Variants in MCCC1 observed in about 807,000 individuals in gnomAD.
MCCC1 encodes methylcrotonyl-CoA carboxylase subunit 1.
In MCCC1, 64 loss-of-function variants were observed where a neutral mutation model predicts 83.8. That is an observed-to-expected ratio of 0.76 (90% confidence interval 0.62 to 0.94). The LOEUF (loss-of-function observed/expected upper bound fraction) is 0.94. Among genes scored for constraint, MCCC1 ranks in the 40% least tolerant of loss-of-function variants. MCCC1 has a pLI of 0.00. For synonymous variants in MCCC1, 322 were observed against 315.4 expected, an observed-to-expected ratio of 1.02 and a Z score of -0.22; for missense variants, 807 against 904.7, an observed-to-expected ratio of 0.89 and a Z score of 1.39.
chr3:183,082,324 T>G (rs560103572), intron 4 of MCCC1, among the ~76,000 whole-genome samples: 1 of 152,176 alleles, frequency 6.6e-6, no homozygotes, highest in African/African-American at 2.4e-5. Flanking sequence ...AGTTCCTAAC[T>G]CTTGGTAGCA....
upstream of MCCC1, among the ~76,000 whole-genome samples, chr3:183,101,316 A>G (rs571941081): frequency 6.6e-6 from 1 of 152,366 alleles, no homozygotes; most frequent in Admixed American, 6.5e-5. Flanking sequence ...AGGCAGCTCC[A>G]CCTGCAGCCC....
At chr3:183,024,981 T>C (rs1392109691) in intron 15 of MCCC1, among the ~76,000 whole-genome samples, 1 of 147,330 alleles carries the variant, frequency 6.8e-6, no homozygotes. Context: ...AAAAAGGAAA[T>C]TCTCACATAT....
At chr3:183,044,906 T>TTTGTTG (rs59572956) in intron 10 of MCCC1, among the ~76,000 whole-genome samples, 138,376 of 150,706 alleles carry the variant, frequency 0.92, 63,575 homozygotes, top group East Asian at 1. Context: ...TCAAGACTGT[T>TTTGTTG]TTGTTGTTGT....
chr3:183,051,169 A>C (rs1714946985), intron 9 of MCCC1, among the ~76,000 whole-genome samples: 1 of 152,208 alleles, frequency 6.6e-6, no homozygotes, highest in South Asian at 2.1e-4. Context: ...GCTCCTTAGT[A>C]TTCACCCAAA....
At chr3:183,057,620 C>T (rs1349387325) in intron 7 of MCCC1, among the ~76,000 whole-genome samples, 198 bp from the exon 8 acceptor site, 3 of 152,150 alleles carry the variant, frequency 2.0e-5, no homozygotes, top group Admixed American at 6.6e-5. Context: ...GGCTCATGCC[C>T]GTAATCCCAG....
chr3:183,112,716 A>G (rs1719520884), intron 1 of MCCC1, among the ~76,000 whole-genome samples: 2 of 152,110 alleles, frequency 1.3e-5, no homozygotes, highest in Non-Finnish European at 2.9e-5. Flanking sequence ...CATGTATACC[A>G]GCATGCAAAC....
In MCCC1 at chr3:183,099,258, G is replaced by A. The variant is rs1228058529; in HGVS notation, c.89+94C>T. The A allele has an allele frequency of 3.5e-6, 5 of 1,437,932 alleles. No homozygotes were observed. The East Asian group carries it at 7.4e-5, about 21-fold the overall frequency. The allele number at this position is 1,437,932 out of a possible 1,614,324, so 89.1% of individuals were successfully genotyped here. ...GTTTTCCTACCGTCCTCCCCACACCGACCCTGGGTTCCGCCGCACCTCCCA... is the reference window on the plus strand; with the variant it reads ...GTTTTCCTACCGTCCTCCCCACACCAACCCTGGGTTCCGCCGCACCTCCCA... On this transcript the variant is annotated intron_variant, in intron 1 of 18. Coordinates refer to ENST00000265594, the MANE Select transcript of MCCC1 (RefSeq NM_020166.5).
At chr3:183,052,467 T>C (rs558954789) in intron 8 of MCCC1, among the ~76,000 whole-genome samples, 1 of 152,258 alleles carries the variant, frequency 6.6e-6, no homozygotes, top group South Asian at 2.1e-4. Flanking sequence ...ATGTGTTTTG[T>C]GGTGAGGCTG....
At chr3:183,088,566 T>A (rs1397236092) in intron 3 of MCCC1, among the ~76,000 whole-genome samples, 1 of 152,228 alleles carries the variant, frequency 6.6e-6, no homozygotes, top group Non-Finnish European at 1.5e-5. Context: ...GAAAGTGAAT[T>A]ATAATACAAA....
chr3:183,100,664 T>TA (rs1438939788), upstream of MCCC1, among the ~76,000 whole-genome samples: 1 of 152,192 alleles, frequency 6.6e-6, no homozygotes, highest in African/African-American at 2.4e-5. Flanking sequence ...AAATTCTAAA[T>TA]AAAATATTAA....
intron 16 of MCCC1, among the ~76,000 whole-genome samples, chr3:183,020,572 A>C (rs556941036): frequency 8.5e-5 from 13 of 152,174 alleles, no homozygotes; most frequent in Non-Finnish European, 1.5e-5. Context: ...TAGAGGCTGC[A>C]GTGAGCTAAG....
At chr3:183,091,028 C>G (rs894331215) in intron 3 of MCCC1, 4 of 456,398 alleles carry the variant, frequency 8.8e-6, no homozygotes, top group Non-Finnish European at 1.8e-5. Context: ...TCAAGATCAT[C>G]CTGCTGCAAA....
chr3:183,036,668 T>C (rs777243726), intron 13 of MCCC1, among the ~76,000 whole-genome samples: 43 of 151,692 alleles, frequency 2.8e-4, no homozygotes, highest in Admixed American at 4.6e-4. Flanking sequence ...GCCTCCCGAG[T>C]AGCTGGGACT....
At chr3:183,113,222 CAAA>C (rs35441023) in intron 1 of MCCC1, among the ~76,000 whole-genome samples, 159 of 105,134 alleles carry the variant, frequency 1.5e-3, no homozygotes, top group African/African-American at 5.3e-3. Context: ...GACTCCATCT[CAAA>C]AAAAAAAAAA....
At position 183,024,501 on chromosome 3, in the gene MCCC1, GAT is replaced by G. The variant is rs371268584; in HGVS notation, c.1731+1252_1731+1253del. Among the ~76,000 whole-genome samples, 214 of 151,714 alleles carry G rather than the reference GAT, an allele frequency of 1.4e-3. 1 individual carries two copies. Among genetic ancestry groups the G allele is most frequent in the African/African-American group, 4.8e-3 (200 of 41,362 alleles). ...ACTCGAATAGAGATTTTTCTAACAA[GAT>G]ATACAAATGGCCAATAAGTAAAGAT... On this transcript the variant is annotated intron_variant, in intron 15 of 18. Transcript: ENST00000265594.
intron 13 of MCCC1, among the ~76,000 whole-genome samples, chr3:183,034,319 C>T (rs1372860723): frequency 2.0e-5 from 3 of 151,904 alleles, no homozygotes; most frequent in Non-Finnish European, 2.9e-5. Flanking sequence ...GGCATGGTGA[C>T]GGGCGCCTCT....
chr3:183,099,417 C>A lies in MCCC1; in HGVS notation c.24G>T (p.Ser8=), dbSNP rs745696684. MAAASAV[S]VLLVAAERNR... is the part of the protein sequence containing the mutation. ...TCCTCTCCGCCGCCACCAGCAGCAC[C>A]GACACCGCAGAGGCCGCCGCCATGT... The change falls in exon 1 of 19, where the codon TCG becomes TCT. Residue 8 remains serine (S), a synonymous_variant. Coordinates refer to ENST00000265594, the MANE Select transcript of MCCC1 (RefSeq NM_020166.5). 2.4e-5 allele frequency: 39 copies of A among 1,607,468 alleles called. No individual in the cohort carries two copies. The highest frequency in any genetic ancestry group is 3.2e-5 in the Non-Finnish European group (38 of 1,178,134).
chr3:183,095,201 T>C (rs1390107176), intron 1 of MCCC1, among the ~76,000 whole-genome samples: 1 of 151,800 alleles, frequency 6.6e-6, no homozygotes, highest in Non-Finnish European at 1.5e-5. Flanking sequence ...GAGAATGGCG[T>C]GAACCCAGGA....
chr3:183,083,996 A>G (rs1376010581), intron 4 of MCCC1, among the ~76,000 whole-genome samples: 1 of 152,244 alleles, frequency 6.6e-6, no homozygotes, highest in Non-Finnish European at 1.5e-5. Context: ...ATTTCAGATC[A>G]CTGGGGGATC....
Sources: gnomAD v4.1 joint callset for allele counts (sites outside exome capture counted in the v4.1 genomes callset) on GRCh38, gnomAD v4.1.1 for gene constraint, MANE v1.5 for transcripts, NCBI Gene and HGNC (gene_info 2026-07-23, HGNC 2026-07-21) for gene names.